PAPPA: variants seen among roughly 807,000 people sequenced by gnomAD.
PAPPA encodes pappalysin-1.
PAPPA carries 60 observed loss-of-function variants against 164.0 expected under a neutral mutation model. The ratio of observed to expected loss-of-function variants is 0.37; its 90% CI spans 0.30 to 0.45. The LOEUF is 0.45. PAPPA is among the 20% of genes least tolerant of loss of function. The pLI is 1.00. For synonymous variants in PAPPA, 875 were observed against 814.1 expected (o/e 1.07, Z -1.27); for missense variants, 1,782 against 2,087.3 (o/e 0.85, Z 2.85).
chr9:116,161,464 C>G (rs187418755), intron 1 of PAPPA, among the ~76,000 whole-genome samples: 1 of 152,180 alleles, frequency 6.6e-6, no homozygotes, highest in Non-Finnish European at 1.5e-5. Flanking sequence ...CTTCCCTTCA[C>G]CTTATTCCAC....
intron 17 of PAPPA, among the ~76,000 whole-genome samples, chr9:116,358,183 AC>A (rs1479535918): frequency 6.6e-6 from 1 of 152,110 alleles, no homozygotes; most frequent in Non-Finnish European, 1.5e-5. Context: ...TGCTTGTTTT[AC>A]TGATGGGAGC....
Position 116,219,946 on chromosome 9 carries a change from G to T in PAPPA, c.1928G>T (p.Cys643Phe). The T allele has an allele frequency of 6.2e-7, 1 of 1,612,658 alleles. No homozygotes were observed. The change falls in exon 5 of 22, where the codon TGT (cysteine) becomes TTT (phenylalanine). Residue 643 changes from cysteine (C) to phenylalanine (F), a missense_variant. Coordinates refer to ENST00000328252, the MANE Select transcript of PAPPA (RefSeq NM_002581.5). The part of the protein sequence containing the change: ...NNFMSYADDD[C>F]TDSFTPNQVA... ...CTCTGCCTGCTTGCAGATGACGACT[G>T]TACGGACTCCTTCACGCCCAATCAA...
At chr9:116,248,218 A>C (rs1463076325) in intron 7 of PAPPA, among the ~76,000 whole-genome samples, 1 of 152,200 alleles carries the variant, frequency 6.6e-6, no homozygotes, top group Non-Finnish European at 1.5e-5. Flanking sequence ...ATTGTACTTT[A>C]ACCTTTGTAA....
chr9:116,324,221 C>G (rs1845894877), intron 10 of PAPPA, among the ~76,000 whole-genome samples: 1 of 152,140 alleles, frequency 6.6e-6, no homozygotes, highest in South Asian at 2.1e-4. Flanking sequence ...TAAACTTGTG[C>G]CTGGATTTCA....
At chr9:116,224,102 T>G (rs73654678) in intron 5 of PAPPA, among the ~76,000 whole-genome samples, 1,578 of 152,244 alleles carry the variant, frequency 0.01, 24 homozygotes, top group African/African-American at 0.036. Flanking sequence ...CCCCTGGCCA[T>G]CCTCATGTCC....
intron 5 of PAPPA, among the ~76,000 whole-genome samples, chr9:116,221,168 G>A (rs1341098704): frequency 3.3e-5 from 5 of 152,130 alleles, no homozygotes; most frequent in Non-Finnish European, 7.3e-5. Flanking sequence ...CCTGAATCAA[G>A]TGGTCTCTTG....
In PAPPA at chr9:116,154,497, C is replaced by A. The variant is rs529057166; in HGVS notation, c.325C>A (p.Arg109=). 4.6e-4 allele frequency: 618 copies of A among 1,340,710 alleles called. 16 individuals carry two copies. The South Asian group carries it at 0.011, about 23-fold the overall frequency. 83.1% of individuals were successfully genotyped at this position (1,340,710 alleles called of 1,614,324 possible). ...FSGRGEQLRL[R]ADLELPRDAF... ...CGGGCGAGGCGAGCAGCTGCGCCTC[C>A]GGGCCGACCTCGAGCTGCCCCGGGA... Residue 109 remains arginine (R), a synonymous_variant, in exon 1 of 22, where the codon CGG becomes AGG. Coordinates refer to ENST00000328252, the MANE Select transcript of PAPPA (RefSeq NM_002581.5). This position sits in a 1 kb window ranked among gnomAD's most constrained non-coding sequence, Gnocchi z 5.2.
intron 6 of PAPPA, among the ~76,000 whole-genome samples, chr9:116,233,163 C>T (rs1344869785): frequency 6.6e-6 from 1 of 152,226 alleles, no homozygotes; most frequent in Non-Finnish European, 1.5e-5. Flanking sequence ...TGTGAATACT[C>T]TATGGACTAG....
chr9:116,269,622 T>G (rs1176909300), intron 8 of PAPPA, among the ~76,000 whole-genome samples: 1 of 152,198 alleles, frequency 6.6e-6, no homozygotes. Flanking sequence ...AGAACTTCTT[T>G]ATCTAATGAT....
intron 1 of PAPPA, among the ~76,000 whole-genome samples, chr9:116,170,233 T>TA (rs1843761287): frequency 6.6e-6 from 1 of 152,156 alleles, no homozygotes; most frequent in African/African-American, 2.4e-5. Context: ...ATGAACACTA[T>TA]AGGGGATCTG....
rs1342223903 is a variant in PAPPA at position 116,219,966 on chromosome 9, A to C, written c.1948A>C (p.Asn650His). The C allele has an allele frequency of 6.2e-7, 1 of 1,613,840 alleles. No individual in the cohort carries two copies. The highest frequency in any genetic ancestry group is 1.1e-5 in the South Asian group (1 of 91,066). The change falls in exon 5 of 22, where the codon AAT becomes CAT. Residue 650 changes from asparagine to histidine, a missense_variant. Coordinates refer to ENST00000328252, the MANE Select transcript of PAPPA (RefSeq NM_002581.5). ...DDDCTDSFTP[N>H]QVARMHCYLD... The stretch of plus-strand genomic sequence containing the variant: ...CGACTGTACGGACTCCTTCACGCCC[A>C]ATCAAGTCGCCAGAATGCACTGTTA...
intron 10 of PAPPA, among the ~76,000 whole-genome samples, chr9:116,313,000 G>A (rs1028365488): frequency 3.4e-5 from 5 of 149,060 alleles, no homozygotes; most frequent in South Asian, 2.2e-4. Flanking sequence ...GAAGAATGGC[G>A]TGAACCCGGG....
Position 116,396,758 on chromosome 9 carries a change from C to G in PAPPA, c.*142C>G, listed in dbSNP as rs2296070. 0.026 allele frequency: 15,734 copies of G among 609,050 alleles called. 1,448 individuals are homozygous for G. Among genetic ancestry groups the G allele is most frequent in the South Asian group, 0.18 (8,984 of 49,666 alleles). The allele number at this position is 609,050 out of a possible 1,614,324, so 37.7% of individuals were successfully genotyped here. ...CCAACCGGTCTGCCTTTAATTTTAC[C>G]CAGGAAGGACTCACATTGGGGCGAA... On this transcript the variant is annotated 3_prime_UTR_variant, in exon 22 of 22. Transcript: ENST00000328252.
At chr9:116,181,004 G>A (rs1250292151) in intron 1 of PAPPA, among the ~76,000 whole-genome samples, 2 of 152,190 alleles carry the variant, frequency 1.3e-5, no homozygotes, top group Non-Finnish European at 2.9e-5. Context: ...AATGTTTCCT[G>A]TAAGTGATGA....
chr9:116,338,453 G>A (rs1360803228), intron 13 of PAPPA, among the ~76,000 whole-genome samples: 3 of 152,186 alleles, frequency 2.0e-5, no homozygotes, highest in Non-Finnish European at 4.4e-5. Context: ...GGTGCCCAAA[G>A]ACTGGAGCCA....
intron 17 of PAPPA, among the ~76,000 whole-genome samples, chr9:116,356,221 T>A (rs966440015): frequency 6.6e-6 from 1 of 152,260 alleles, no homozygotes; most frequent in Non-Finnish European, 1.5e-5. Flanking sequence ...CTTTATTACC[T>A]AGTCACTAGA....
rs570313208 is a variant in PAPPA at position 116,307,748 on chromosome 9, G to A, written c.3147+4798G>A. Among the ~76,000 whole-genome samples, 7 of 152,190 alleles carry A rather than the reference G, an allele frequency of 4.6e-5. No individual in the cohort carries two copies. In the South Asian group the frequency reaches 1.2e-3, roughly 27 times the overall value. On this transcript the variant is annotated intron_variant, in intron 10 of 21. Coordinates refer to ENST00000328252, the MANE Select transcript of PAPPA (RefSeq NM_002581.5). ...TGAGAGAGAGAGAGAGAGCATGGCC[G>A]TTAATGAGGTGAAGTAGAAATCATG...
chr9:116,203,621 T>A (rs1409788634), intron 2 of PAPPA, among the ~76,000 whole-genome samples: 1 of 152,136 alleles, frequency 6.6e-6, no homozygotes, highest in East Asian at 1.9e-4. Flanking sequence ...AATAATGCAG[T>A]AAAAGGAGCC....
In PAPPA at chr9:116,271,234, G is replaced by A. The variant is rs1029553988; in HGVS notation, c.2862-91G>A. The A allele has an allele frequency of 2.2e-5, 18 of 803,482 alleles. No individual in the cohort carries two copies. The highest frequency in any genetic ancestry group is 3.9e-5 in the Non-Finnish European group (18 of 458,788). The allele number at this position is 803,482 out of a possible 1,614,324, so 49.8% of individuals were successfully genotyped here. On this transcript the variant is annotated intron_variant, in intron 8 of 21. Coordinates refer to ENST00000328252, the MANE Select transcript of PAPPA (RefSeq NM_002581.5). This position sits in a 1 kb window ranked among gnomAD's most constrained non-coding sequence, Gnocchi z 4.2. Reference sequence around the variant, plus strand: ...AAAGGGATTTGTGCAAGGTCTCACTGAAGGTTCATGGCCCAGGGAGGGACT... The same window carrying A: ...AAAGGGATTTGTGCAAGGTCTCACTAAAGGTTCATGGCCCAGGGAGGGACT...
Sources: allele counts gnomAD v4.1 joint callset (sites outside exome capture counted in the v4.1 genomes callset), GRCh38; gene constraint gnomAD v4.1.1; non-coding constraint Gnocchi (gnomAD v3.1); transcripts MANE v1.5; gene names NCBI Gene and HGNC (gene_info 2026-07-23, HGNC 2026-07-21).